Variants in ABR observed in about 807,000 individuals in gnomAD.
ABR encodes the protein active breakpoint cluster region-related protein.
ABR carries 35 observed loss-of-function variants against 107.2 expected under a neutral mutation model. The ratio of observed to expected loss-of-function variants is 0.33; its 90% CI spans 0.25 to 0.43. ABR has a LOEUF of 0.43. Ranked by LOEUF, ABR falls within the 20% of genes least tolerant of loss-of-function variation. ABR has a pLI of 1.00. For synonymous variants in ABR, 498 were observed against 462.0 expected, an observed-to-expected ratio of 1.08 and a Z score of -1.00; for missense variants, 815 against 1,115.2, an observed-to-expected ratio of 0.73 and a Z score of 3.83.
intron 2 of ABR, among the ~76,000 whole-genome samples, chr17:1,106,140 A>G (rs1322451989): frequency 2.0e-5 from 3 of 152,178 alleles, no homozygotes; most frequent in Admixed American, 2.0e-4. Context: ...TGAGATATGC[A>G]GCAAACTCCA....
intron 1 of ABR, among the ~76,000 whole-genome samples, chr17:1,144,893 C>T (rs559240032): frequency 6.6e-6 from 1 of 152,078 alleles, no homozygotes; most frequent in Non-Finnish European, 1.5e-5. Context: ...GTGGCGGGCC[C>T]CTGTAATTCC....
chr17:1,028,574 T>C (rs2072435092), intron 16 of ABR, among the ~76,000 whole-genome samples: 1 of 152,216 alleles, frequency 6.6e-6, no homozygotes, highest in Non-Finnish European at 1.5e-5. Flanking sequence ...GTAACACCTC[T>C]GATCCTCTCT....
intron 16 of ABR, among the ~76,000 whole-genome samples, chr17:1,030,478 C>A (rs1306236789): frequency 2.0e-5 from 3 of 152,220 alleles, no homozygotes; most frequent in Non-Finnish European, 2.9e-5. Flanking sequence ...GCAGCTGGGG[C>A]CAGCAGGGCT....
At chr17:1,066,013 G>C (rs571322689) in intron 10 of ABR, among the ~76,000 whole-genome samples, 1 of 152,104 alleles carries the variant, frequency 6.6e-6, no homozygotes, top group Non-Finnish European at 1.5e-5. Context: ...CTAAAGTGCT[G>C]GGATTACAGG....
At chr17:1,029,382 C>A (rs536884321) in intron 16 of ABR, among the ~76,000 whole-genome samples, 131 of 152,238 alleles carry the variant, frequency 8.6e-4, no homozygotes, top group Non-Finnish European at 1.6e-3. Flanking sequence ...AGAGGCCCTG[C>A]ACTATTTAAA....
intron 10 of ABR, among the ~76,000 whole-genome samples, chr17:1,065,899 C>G (rs548748487): frequency 6.6e-6 from 1 of 152,194 alleles, no homozygotes; most frequent in South Asian, 2.1e-4. Context: ...GCGGAAGCCA[C>G]CACGCCAGGC....
chr17:1,144,629 C>T (rs1867256), intron 1 of ABR, among the ~76,000 whole-genome samples: 33,963 of 150,760 alleles, frequency 0.23, 4,205 homozygotes, highest in African/African-American at 0.33. Flanking sequence ...CAGTGGCTCA[C>T]GCCTGCAATC....
intron 5 of ABR, among the ~76,000 whole-genome samples, chr17:1,082,424 G>A (rs1348669980): frequency 2.0e-5 from 3 of 152,236 alleles, no homozygotes; most frequent in East Asian, 3.9e-4. Context: ...AGAAGCACGC[G>A]TGTTCCCAGC....
chr17:1,080,476 G>A (rs1033788952), intron 5 of ABR, among the ~76,000 whole-genome samples: 6 of 152,126 alleles, frequency 3.9e-5, no homozygotes, highest in South Asian at 2.1e-4. Context: ...CTTGGCAGAC[G>A]GAGCACACGG....
At chr17:1,098,399 A>G (rs1196276148) in intron 3 of ABR, among the ~76,000 whole-genome samples, 1 of 152,182 alleles carries the variant, frequency 6.6e-6, no homozygotes, top group Non-Finnish European at 1.5e-5. Flanking sequence ...TTTCAAACCC[A>G]CAACAGGTGT....
At position 1,011,062 on chromosome 17, in the gene ABR, T is replaced by C. The variant is rs982264703; in HGVS notation, c.2102-199A>G. 3.1e-6 allele frequency: 2 copies of C among 636,086 alleles called. No homozygotes were observed. Among genetic ancestry groups the C allele is most frequent in the Non-Finnish European group, 5.4e-6 (2 of 373,076 alleles). 39.4% of individuals were successfully genotyped at this position (636,086 alleles called of 1,614,324 possible). ...GTTGGGGGAACAGGGAGAGATAGCC[T>C]GGGGGCCATCTGCTGTGGCTGCTTG... On this transcript the variant is annotated intron_variant, in intron 19 of 22. Coordinates refer to ENST00000302538, the MANE Select transcript of ABR (RefSeq NM_021962.5). The surrounding 1 kb of genome is among the most constrained non-coding windows in gnomAD (Gnocchi z 4.8).
chr17:1,098,936 CCACCACGCCCAGCTAA>C (rs1284768794), intron 3 of ABR, among the ~76,000 whole-genome samples: 5 of 152,188 alleles, frequency 3.3e-5, no homozygotes, highest in Non-Finnish European at 7.3e-5. Context: ...CAGGGGCCCG[CCACCACGCCCAGCTAA>C]TTTTTTGTAT....
At chr17:1,141,524 T>C (rs192333358) in intron 1 of ABR, among the ~76,000 whole-genome samples, 1 of 152,274 alleles carries the variant, frequency 6.6e-6, no homozygotes, top group Admixed American at 6.5e-5. Context: ...AATGAGGAAA[T>C]ATATGCTATG....
chr17:1,122,001 C>T (rs2039377844), intron 2 of ABR, among the ~76,000 whole-genome samples: 1 of 152,212 alleles, frequency 6.6e-6, no homozygotes. Flanking sequence ...CTCCCAGGTT[C>T]AAGTGATTCT....
At position 1,084,872 on chromosome 17, in the gene ABR, G is replaced by A. The variant is rs976743940; in HGVS notation, c.532-1245C>T. On this transcript the variant is annotated intron_variant, in intron 4 of 22. Coordinates refer to ENST00000302538, the MANE Select transcript of ABR (RefSeq NM_021962.5). This position sits in a 1 kb window ranked among gnomAD's most constrained non-coding sequence, Gnocchi z 4.2. ...TGCCCAGGCTGCAGTACAGTGGTGC[G>A]ATCTCGGCTCACCGCAACCTCCCGG... 6.6e-6 allele frequency among the ~76,000 whole-genome samples: 1 copy of A among 152,042 alleles called. No individual in the cohort carries two copies. The highest frequency in any genetic ancestry group is 1.5e-5 in the Non-Finnish European group (1 of 68,014).
intron 16 of ABR, among the ~76,000 whole-genome samples, chr17:1,015,637 T>C (rs2071091519): frequency 2.0e-5 from 3 of 151,842 alleles, no homozygotes; most frequent in Admixed American, 2.0e-4. Flanking sequence ...TTTGTATTTT[T>C]AGTAGAGATG....
chr17:1,017,821 T>C (rs1045457375), intron 16 of ABR, among the ~76,000 whole-genome samples: 12 of 151,942 alleles, frequency 7.9e-5, no homozygotes, highest in Admixed American at 4.6e-4. Context: ...CAGGCTGGTC[T>C]TGAACTCCAG....
upstream of ABR, among the ~76,000 whole-genome samples, chr17:1,184,559 G>A (rs1187881221): frequency 6.6e-6 from 1 of 152,202 alleles, no homozygotes; most frequent in African/African-American, 2.4e-5. Flanking sequence ...GCACAGCTAT[G>A]ACCACATGGT....
chr17:1,006,211 A>T (rs2586306), intron 22 of ABR, 42 bp from the exon 23 acceptor site: 757,281 of 1,503,078 alleles, frequency 0.5, 193,085 homozygotes, highest in Non-Finnish European at 0.52. Context: ...TCCCTGTCCT[A>T]GGCCTCGTCC....
Sources: gnomAD v4.1 joint callset for allele counts (sites outside exome capture counted in the v4.1 genomes callset) on GRCh38, gnomAD v4.1.1 for gene constraint, Gnocchi (gnomAD v3.1) non-coding constraint, MANE v1.5 for transcripts, NCBI Gene and HGNC (gene_info 2026-07-23, HGNC 2026-07-21) for gene names.